The following KIAA1217 variants were observed in gnomAD, a reference collection of about 807,000 sequenced individuals.
The protein encoded by KIAA1217 is sickle tail protein homolog.
Under a neutral mutation model 163.9 loss-of-function variants are expected in KIAA1217, and 88 were observed. The observed-to-expected ratio is 0.54, with a 90% confidence interval of 0.45 to 0.64. KIAA1217 has a LOEUF of 0.64. Ranked by LOEUF, KIAA1217 falls within the 30% of genes least tolerant of loss-of-function variation. KIAA1217 has a pLI of 0.00. For synonymous variants in KIAA1217, 903 were observed against 923.1 expected, an observed-to-expected ratio of 0.98 and a Z score of 0.39; for missense variants, 2,372 against 2,475.0, an observed-to-expected ratio of 0.96 and a Z score of 0.88.
upstream of KIAA1217, among the ~76,000 whole-genome samples, chr10:24,206,004 C>T (rs1226973558): frequency 6.6e-6 from 1 of 152,158 alleles, no homozygotes; most frequent in Admixed American, 6.5e-5. Flanking sequence ...CTTTACAGCA[C>T]TCTTTTATCT....
intron 1 of KIAA1217, among the ~76,000 whole-genome samples, chr10:23,847,795 T>C (rs2131086019): frequency 6.6e-6 from 1 of 152,290 alleles, no homozygotes; most frequent in African/African-American, 2.4e-5. Flanking sequence ...TCTAGTTCTT[T>C]CAATTGTGAT....
At chr10:24,371,259 C>T (rs982691431) in intron 2 of KIAA1217, among the ~76,000 whole-genome samples, 15 of 152,130 alleles carry the variant, frequency 9.9e-5, no homozygotes, top group African/African-American at 3.6e-4. Context: ...ACCCCTGTCT[C>T]CTCTGCAAGG....
At chr10:24,267,270 G>A (rs543948230) in intron 2 of KIAA1217, among the ~76,000 whole-genome samples, 2 of 152,264 alleles carry the variant, frequency 1.3e-5, no homozygotes, top group East Asian at 3.9e-4. Flanking sequence ...GACTTATAAA[G>A]ACCACTTGTG....
chr10:24,108,918 G>A (rs181265178), intron 2 of KIAA1217, among the ~76,000 whole-genome samples: 19 of 152,176 alleles, frequency 1.2e-4, no homozygotes, highest in Admixed American at 3.3e-4. Flanking sequence ...TGCAACCTCC[G>A]CCTCCCAGGA....
At position 24,423,900 on chromosome 10, in the gene KIAA1217, A is replaced by T. The variant is rs150578681; in HGVS notation, c.554-9095A>T. Among the ~76,000 whole-genome samples, 690 of 152,308 alleles carry T rather than the reference A, an allele frequency of 4.5e-3. 25 individuals carry two copies. The highest frequency in any genetic ancestry group is 1.4e-3 in the Non-Finnish European group (92 of 68,028). On this transcript the variant is annotated intron_variant, in intron 3 of 20. Coordinates refer to ENST00000376454, the MANE Select transcript of KIAA1217 (RefSeq NM_019590.5). ...ATTGCCTGGAATTTCTCAGTCCTTC[A>T]TAAAGATTCGTCTAGAGACTCTCAA...
Position 24,111,944 on chromosome 10 carries a change from G to T in KIAA1217, c.-171+104570G>T, listed in dbSNP as rs566285237. ...CACCATACTCAGCTAATTTGTTTTT[G>T]TTGTTGTTGTTGTTGTTTGTTTTGT... On this transcript the variant is annotated intron_variant, in intron 2 of 18. Coordinates refer to the KIAA1217 transcript ENST00000376462. Among the ~76,000 whole-genome samples, 743 of 151,842 alleles carry T rather than the reference G, an allele frequency of 4.9e-3. 4 individuals carry two copies. The highest frequency in any genetic ancestry group is 0.017 in the African/African-American group (713 of 41,310).
At chr10:23,807,812 T>C (rs1240720236) in intron 1 of KIAA1217, among the ~76,000 whole-genome samples, 2 of 152,204 alleles carry the variant, frequency 1.3e-5, no homozygotes, top group Non-Finnish European at 2.9e-5. Flanking sequence ...GGAACTGGCA[T>C]TTAAATGGAC....
At chr10:24,050,733 A>C (rs953358025) in intron 2 of KIAA1217, among the ~76,000 whole-genome samples, 2 of 152,122 alleles carry the variant, frequency 1.3e-5, no homozygotes, top group South Asian at 4.2e-4. Context: ...GAAGTAAATT[A>C]TCTCTCTTAA....
intron 1 of KIAA1217, among the ~76,000 whole-genome samples, chr10:23,815,844 T>C (rs1023198490): frequency 1.3e-5 from 2 of 152,208 alleles, no homozygotes; most frequent in Non-Finnish European, 2.9e-5. Flanking sequence ...ACGAAGTCTT[T>C]AGTGGAGTCG....
chr10:24,045,261 CGAA>C (rs1848920510), intron 2 of KIAA1217, among the ~76,000 whole-genome samples: 1 of 151,946 alleles, frequency 6.6e-6, no homozygotes, highest in Admixed American at 6.6e-5. Context: ...CTCTCTCTCT[CGAA>C]GCTTTAAGGA....
In KIAA1217 at chr10:24,046,054, G is replaced by A. The variant is rs1030454498; in HGVS notation, c.-171+38680G>A. 2.6e-5 allele frequency among the ~76,000 whole-genome samples: 4 copies of A among 151,994 alleles called. No individual in the cohort carries two copies. In the South Asian group the frequency reaches 6.2e-4, roughly 24 times the overall value. On this transcript the variant is annotated intron_variant, in intron 2 of 18. Coordinates refer to the KIAA1217 transcript ENST00000376462. ...GTGGCATTTCTTCCTGGGCTTTCTG[G>A]TTCCTCTGACCCTAAATTGTTTTGT...
chr10:23,908,194 T>C (rs1842255300), intron 1 of KIAA1217, among the ~76,000 whole-genome samples: 1 of 151,964 alleles, frequency 6.6e-6, no homozygotes, highest in African/African-American at 2.4e-5. Context: ...ATGACACAAG[T>C]AGAGTGAAGG....
rs1271822943 is a variant in KIAA1217, at chr10:24,427,892, G to A, written c.554-5103G>A. Among the ~76,000 whole-genome samples the A allele has an allele frequency of 3.9e-5, 6 of 152,290 alleles. No individual in the cohort carries two copies. The East Asian group carries it at 1.2e-3, about 29-fold the overall frequency. Reference sequence around the variant, plus strand: ...CATTTCTAAATACCTTTCCTGAATTGAGAAAGCAAACTGTGTAAAAGCCAA... The same window carrying A: ...CATTTCTAAATACCTTTCCTGAATTAAGAAAGCAAACTGTGTAAAAGCCAA... On this transcript the variant is annotated intron_variant, in intron 3 of 20. Transcript: ENST00000376454.
rs542470697 is a variant in KIAA1217, at chr10:23,827,448, T to C, written c.-321+132214T>C. Reference sequence around the variant, plus strand: ...TCGTGTTGATAGGGAACATGTGTAATTAGTATATACTCAATAAACGTTTGT... The same window carrying C: ...TCGTGTTGATAGGGAACATGTGTAACTAGTATATACTCAATAAACGTTTGT... On this transcript the variant is annotated intron_variant, in intron 1 of 18. Coordinates refer to the KIAA1217 transcript ENST00000376462. 2.6e-5 allele frequency among the ~76,000 whole-genome samples: 4 copies of C among 152,340 alleles called. No individual in the cohort carries two copies. In the East Asian group the frequency reaches 7.7e-4, roughly 29 times the overall value.
chr10:23,828,638 T>G (rs1417569190), intron 1 of KIAA1217, among the ~76,000 whole-genome samples: 1 of 152,210 alleles, frequency 6.6e-6, no homozygotes, highest in East Asian at 1.9e-4. Context: ...TAAAAGCATC[T>G]GTCCTCCAAT....
upstream of KIAA1217, among the ~76,000 whole-genome samples, chr10:24,205,493 G>A (rs1465579253): frequency 6.6e-6 from 1 of 150,736 alleles, no homozygotes; most frequent in Non-Finnish European, 1.5e-5. Context: ...AGGAAAAAAT[G>A]CCGGGCGCGG....
intron 1 of KIAA1217, among the ~76,000 whole-genome samples, chr10:23,885,819 A>T (rs751439669): frequency 2.0e-5 from 3 of 151,960 alleles, no homozygotes; most frequent in Non-Finnish European, 4.4e-5. Context: ...ATTCACAAAG[A>T]TCTTTGTGCT....
At chr10:24,167,288 T>C (rs375579906) in intron 2 of KIAA1217, among the ~76,000 whole-genome samples, 2 of 19,132 alleles carry the variant, frequency 1.0e-4, no homozygotes, top group African/African-American at 2.3e-4. Context: ...TATGTGCGTG[T>C]GTGTGTGTGT....
intron 1 of KIAA1217, among the ~76,000 whole-genome samples, chr10:23,924,330 A>G (rs1478910208): frequency 6.6e-6 from 1 of 152,194 alleles, no homozygotes; most frequent in Non-Finnish European, 1.5e-5. Flanking sequence ...GGAAACTACA[A>G]TATAACTACC....
Sources: gnomAD v4.1 joint callset for allele counts (sites outside exome capture counted in the v4.1 genomes callset) on GRCh38, gnomAD v4.1.1 for gene constraint, MANE v1.5 for transcripts, NCBI Gene and HGNC (gene_info 2026-07-23, HGNC 2026-07-21) for gene names.